SLC1A6: variants seen among roughly 807,000 people sequenced by gnomAD.
SLC1A6 encodes the protein excitatory amino acid transporter 4.
SLC1A6 carries 15 observed loss-of-function variants against 42.1 expected under a neutral mutation model. The observed-to-expected ratio is 0.36, with a 90% CI of 0.24 to 0.55. SLC1A6 has a LOEUF of 0.55. Among genes scored for constraint, SLC1A6 ranks in the 20% least tolerant of loss-of-function variants. The pLI is 0.88. For synonymous variants in SLC1A6, 317 were observed against 319.7 expected, an observed-to-expected ratio of 0.99 and a Z score of 0.09; for missense variants, 542 against 772.5, an observed-to-expected ratio of 0.70 and a Z score of 3.54.
intron 9 of SLC1A6, among the ~76,000 whole-genome samples, chr19:14,951,493 TTTG>T (rs1169051311): frequency 3.0e-5 from 4 of 133,062 alleles, no homozygotes; most frequent in African/African-American, 1.1e-4. Flanking sequence ...ACCTCCTGGT[TTTG>T]TTGTTGTTGC....
chr19:15,009,703 C>T (rs1056840014), intron 1 of SLC1A6, among the ~76,000 whole-genome samples: 3 of 152,110 alleles, frequency 2.0e-5, no homozygotes, highest in Non-Finnish European at 4.4e-5. Context: ...CTAGTCTTCA[C>T]CACTAGAAAA....
Position 14,962,113 on chromosome 19 carries a change from G to A in SLC1A6, c.824C>T (p.Ser275Phe). 3 of 1,614,196 alleles carry A rather than the reference G, an allele frequency of 1.9e-6. No individual in the cohort carries two copies. Among genetic ancestry groups the A allele is most frequent in the South Asian group, 1.1e-5 (1 of 91,084 alleles). ...GINALGLVVF[S>F]VAFGLVIGGM... is the part of the protein sequence containing the mutation. Reference sequence around the variant, plus strand: ...ACCAATGACCAGCCCAAAGGCCACAGAGAAGACCACGAGGCCCAGGGCGTT... The same window carrying A: ...ACCAATGACCAGCCCAAAGGCCACAAAGAAGACCACGAGGCCCAGGGCGTT... The change falls in exon 6 of 10, where the codon TCT becomes TTT. Residue 275 changes from serine to phenylalanine, a missense_variant. This residue lies in a region of SLC1A6 where 298 missense variants were observed against 419.4 expected (regional missense o/e 0.71). Transcript: ENST00000594383.
chr19:14,985,436 G>A (rs1316531791), intron 1 of SLC1A6, among the ~76,000 whole-genome samples: 1 of 152,034 alleles, frequency 6.6e-6, no homozygotes, highest in Non-Finnish European at 1.5e-5. Flanking sequence ...ATGAGTTCAT[G>A]GGAAAGCTCG....
intron 1 of SLC1A6, among the ~76,000 whole-genome samples, chr19:14,999,814 AT>A (rs1380715568): frequency 1.3e-5 from 2 of 152,116 alleles, no homozygotes; most frequent in African/African-American, 4.8e-5. Context: ...ATTACATGAG[AT>A]AGTCAACATT....
intron 1 of SLC1A6, among the ~76,000 whole-genome samples, chr19:14,991,461 A>G (rs2045819620): frequency 6.6e-6 from 1 of 152,092 alleles, no homozygotes; most frequent in Non-Finnish European, 1.5e-5. Flanking sequence ...CATCTCTACC[A>G]AAAATACAAA....
chr19:14,950,614 T>C (rs988058813), intron 9 of SLC1A6, among the ~76,000 whole-genome samples: 2 of 152,048 alleles, frequency 1.3e-5, no homozygotes, highest in Non-Finnish European at 2.9e-5. Flanking sequence ...TGATCTTAGA[T>C]GTGATATTTT....
chr19:14,993,265 G>A (rs555779511), intron 1 of SLC1A6, among the ~76,000 whole-genome samples: 7 of 152,060 alleles, frequency 4.6e-5, no homozygotes, highest in Admixed American at 6.6e-5. Flanking sequence ...CCAATTAGTG[G>A]TTGCCCAGGG....
intron 4 of SLC1A6, among the ~76,000 whole-genome samples, chr19:14,967,806 C>T (rs1321372196): frequency 6.6e-6 from 1 of 152,170 alleles, no homozygotes; most frequent in Admixed American, 6.5e-5. Flanking sequence ...CCCTGTTCCA[C>T]CAGCCATAAC....
intron 8 of SLC1A6, 108 bp downstream of exon 8, chr19:14,954,027 C>T (rs1264970615): frequency 4.2e-6 from 4 of 943,916 alleles, no homozygotes; most frequent in East Asian, 2.5e-5. Flanking sequence ...CATCCGTGGG[C>T]TCCTCTGAGC....
chr19:14,956,991 C>T (rs2074615), intron 6 of SLC1A6, among the ~76,000 whole-genome samples: 110,012 of 151,976 alleles, frequency 0.72, 40,257 homozygotes, highest in African/African-American at 0.84. Context: ...CTCTCCTGTA[C>T]CTACTCCCCA....
At chr19:14,960,777 A>G (rs10410626) in intron 6 of SLC1A6, among the ~76,000 whole-genome samples, 109,958 of 152,048 alleles carry the variant, frequency 0.72, 40,213 homozygotes, top group African/African-American at 0.84. Flanking sequence ...CAGGAAAGGG[A>G]GATTGGGGAG....
At chr19:14,972,026 A>G in intron 2 of SLC1A6, 152 bp from the exon 3 acceptor site, 1 of 672,026 alleles carries the variant, frequency 1.5e-6, no homozygotes, top group Non-Finnish European at 2.5e-6. Flanking sequence ...TGATGTGTGC[A>G]GACATTGTAG....
chr19:14,983,362 G>A (rs1242589669), upstream of SLC1A6, among the ~76,000 whole-genome samples: 17 of 152,228 alleles, frequency 1.1e-4, no homozygotes, highest in East Asian at 3.3e-3. Context: ...CTAAGCTGAA[G>A]TGCTCAGTGT....
In SLC1A6 at chr19:14,951,670, C is replaced by A. The variant is rs1484797324; in HGVS notation, c.1499+1258G>T. Among the ~76,000 whole-genome samples the A allele has an allele frequency of 4.6e-5, 7 of 152,112 alleles. No individual in the cohort carries two copies. In the South Asian group the frequency reaches 1.5e-3, roughly 32 times the overall value. ...TAGCTGAGATTATAGGCGCCCACCA[C>A]TAGGCCCGGCTAATTTTTGATATTT... is the stretch of plus-strand genomic sequence containing the variant. On this transcript the variant is annotated intron_variant, in intron 9 of 9. Transcript: ENST00000594383.
In SLC1A6 at chr19:14,963,245, TAA is replaced by T. The variant is rs2045535583; in HGVS notation, c.592-902_592-901del. ...CATGCTCTCACTTATATGTGAAATT[TAA>T]AAGAGTTGGACTCATAGAAGCAGAA... On this transcript the variant is annotated intron_variant, in intron 5 of 9. Transcript: ENST00000594383. Among the ~76,000 whole-genome samples the T allele has an allele frequency of 2.6e-5, 4 of 152,180 alleles. No homozygotes were observed. The South Asian group carries it at 6.2e-4, about 24-fold the overall frequency.
chr19:14,972,520 T>C (rs773987112), intron 2 of SLC1A6, among the ~76,000 whole-genome samples, 186 bp downstream of exon 2: 2 of 152,192 alleles, frequency 1.3e-5, no homozygotes, highest in Non-Finnish European at 2.9e-5. Context: ...ACAGTTGTGT[T>C]TGCACACATG....
At chr19:14,954,626 T>C (rs929012362) in intron 7 of SLC1A6, among the ~76,000 whole-genome samples, 1 of 151,176 alleles carries the variant, frequency 6.6e-6, no homozygotes, top group African/African-American at 2.4e-5. Context: ...GGGCATGGGC[T>C]GGGCGTGGCC....
chr19:14,951,987 A>G (rs985199381), intron 9 of SLC1A6, among the ~76,000 whole-genome samples: 1 of 149,872 alleles, frequency 6.7e-6, no homozygotes, highest in Non-Finnish European at 1.5e-5. Context: ...TAATTTTTGT[A>G]TTTTTTGTAG....
intron 3 of SLC1A6, among the ~76,000 whole-genome samples, chr19:14,971,196 C>T (rs556807314): frequency 2.4e-4 from 37 of 152,218 alleles, no homozygotes; most frequent in African/African-American, 8.7e-4. Flanking sequence ...CCCTAACACC[C>T]AAATTGTTCA....
Sources: gnomAD v4.1 joint callset for allele counts (sites outside exome capture counted in the v4.1 genomes callset) on GRCh38, gnomAD v4.1.1 for gene constraint, gnomAD v4.1.1 regional missense constraint, MANE v1.5 for transcripts, NCBI Gene and HGNC (gene_info 2026-07-23, HGNC 2026-07-21) for gene names.